The following PRDM11 variants were observed in gnomAD, a reference collection of about 807,000 sequenced individuals.
PRDM11 encodes PR/SET domain 11, also known as PR domain-containing protein 11.
Under a neutral mutation model 97.8 loss-of-function variants are expected in PRDM11, and 20 were observed. The observed-to-expected ratio is 0.20, with a 90% CI of 0.14 to 0.30. The LOEUF (loss-of-function observed/expected upper bound fraction) is 0.30. Among genes scored for constraint, PRDM11 ranks in the 10% least tolerant of loss-of-function variants. The probability of loss-of-function intolerance (pLI) is 1.00; values close to 1 mark genes in which losing one functional copy is unlikely to be tolerated. For missense variants in PRDM11, 1,139 were observed against 1,555.2 expected (o/e 0.73, Z 4.50); for synonymous variants, 599 against 637.7 (o/e 0.94, Z 0.91).
chr11:45,143,213 A>G (rs538898826), upstream of PRDM11, among the ~76,000 whole-genome samples: 1 of 152,326 alleles, frequency 6.6e-6, no homozygotes, highest in African/African-American at 2.4e-5. Flanking sequence ...GCAATAAACA[A>G]TGTCCTTGTT....
rs1397150948 is a variant in PRDM11, at chr11:45,219,040, C to T, written c.555-530C>T. Among the ~76,000 whole-genome samples the T allele has an allele frequency of 2.0e-5, 3 of 152,152 alleles. No homozygotes were observed. Among genetic ancestry groups the T allele is most frequent in the Non-Finnish European group, 4.4e-5 (3 of 68,032 alleles). ...CCTTCCTCCCCTGTCCCCACTGGAG[C>T]CCCCATTTTTTAAAAGATTTTGATC... On this transcript the variant is annotated intron_variant, in intron 5 of 7. Transcript: ENST00000683152. This position sits in a 1 kb window ranked among gnomAD's most constrained non-coding sequence, Gnocchi z 4.2.
At chr11:45,119,644 AAAAAAC>A (rs1565235214) in intron 1 of PRDM11, among the ~76,000 whole-genome samples, 3 of 147,702 alleles carry the variant, frequency 2.0e-5, no homozygotes, top group African/African-American at 7.5e-5. Flanking sequence ...AAAAAAAAAA[AAAAAAC>A]ACCTGGTAAG....
At chr11:45,116,034 T>TAAAG (rs1852296030) in intron 1 of PRDM11, among the ~76,000 whole-genome samples, 1 of 152,002 alleles carries the variant, frequency 6.6e-6, no homozygotes, top group East Asian at 1.9e-4. Flanking sequence ...GAAGAACACT[T>TAAAG]TATCAGAAAG....
chr11:45,115,150 T>C (rs924039036), intron 1 of PRDM11, among the ~76,000 whole-genome samples: 3 of 151,750 alleles, frequency 2.0e-5, no homozygotes, highest in Non-Finnish European at 2.9e-5. Flanking sequence ...CATGTGTGTG[T>C]GTGTGTGTGT....
chr11:45,153,296 C>T (rs1851705834), intron 1 of PRDM11, among the ~76,000 whole-genome samples: 1 of 152,270 alleles, frequency 6.6e-6, no homozygotes, highest in African/African-American at 2.4e-5. Flanking sequence ...GGGGTCCACA[C>T]TGTTCCCTGG....
chr11:45,151,371 G>A lies in PRDM11; in HGVS notation c.-7+4494G>A, dbSNP rs540645946. ...AAATTGTGCTGTTGTTTTCTAAAAA[G>A]CCTGTTTCCTATTGCAGATTTGTAT... On this transcript the variant is annotated intron_variant, in intron 1 of 7. Transcript: ENST00000683152. Among the ~76,000 whole-genome samples, 3 of 152,362 alleles carry A rather than the reference G, an allele frequency of 2.0e-5. No individual in the cohort carries two copies. The South Asian group carries it at 6.2e-4, about 32-fold the overall frequency.
At chr11:45,145,191 C>T (rs1851479797), upstream of PRDM11, among the ~76,000 whole-genome samples, 2 of 152,172 alleles carry the variant, frequency 1.3e-5, no homozygotes, top group South Asian at 2.1e-4. Flanking sequence ...TTACTGTGCA[C>T]CACTTTGCAG....
chr11:45,200,131 A>G (rs998449229), intron 4 of PRDM11, among the ~76,000 whole-genome samples: 7 of 152,236 alleles, frequency 4.6e-5, no homozygotes, highest in Non-Finnish European at 8.8e-5. Context: ...GAATGAATGA[A>G]TGAGTGAATA....
intron 1 of PRDM11, among the ~76,000 whole-genome samples, chr11:45,156,881 C>T (rs552805692): frequency 6.6e-6 from 1 of 152,170 alleles, no homozygotes; most frequent in African/African-American, 2.4e-5. Flanking sequence ...ATTTTAGGCA[C>T]TGGGAACAGT....
At chr11:45,174,299 GTGAACAAACA>G (rs1265367031) in intron 1 of PRDM11, among the ~76,000 whole-genome samples, 2 of 152,226 alleles carry the variant, frequency 1.3e-5, no homozygotes, top group African/African-American at 4.8e-5. Context: ...GGTAGGACAA[GTGAACAAACA>G]TGTCAAATTT....
upstream of PRDM11, among the ~76,000 whole-genome samples, chr11:45,141,698 C>T (rs1851408156): frequency 6.6e-6 from 1 of 152,176 alleles, no homozygotes; most frequent in African/African-American, 2.4e-5. Flanking sequence ...GGCCAAAGCT[C>T]TGTTGGATCC....
At chr11:45,184,943 A>G (rs1852651310) in intron 4 of PRDM11, among the ~76,000 whole-genome samples, 5 of 152,218 alleles carry the variant, frequency 3.3e-5, no homozygotes, top group Admixed American at 3.3e-4. Context: ...ATGGTCTAGA[A>G]GGGGAGCTTG....
intron 1 of PRDM11, among the ~76,000 whole-genome samples, chr11:45,158,232 C>T (rs1452810978): frequency 1.3e-5 from 2 of 152,202 alleles, no homozygotes; most frequent in Admixed American, 6.5e-5. Flanking sequence ...TGGGAACAGA[C>T]CAAGGTGTGC....
intron 1 of PRDM11, among the ~76,000 whole-genome samples, chr11:45,126,037 A>G (rs1852562905): frequency 6.6e-6 from 1 of 152,180 alleles, no homozygotes; most frequent in South Asian, 2.1e-4. Context: ...TATTGGGTGC[A>G]TATATATTTA....
chr11:45,169,086 T>C (rs1471183610), intron 1 of PRDM11, among the ~76,000 whole-genome samples: 5 of 152,172 alleles, frequency 3.3e-5, no homozygotes, highest in Non-Finnish European at 7.4e-5. Flanking sequence ...ACTGACATGC[T>C]TGGGGTGGGG....
At chr11:45,162,000 G>GAC (rs1590394071) in intron 1 of PRDM11, among the ~76,000 whole-genome samples, 2 of 152,236 alleles carry the variant, frequency 1.3e-5, no homozygotes, top group Non-Finnish European at 2.9e-5. Flanking sequence ...GACCTAATGT[G>GAC]ACAGTCTTGG....
Position 45,126,029 on chromosome 11 carries a change from T to C in PRDM11, c.96+30128T>C, listed in dbSNP as rs2135637373. 2.6e-5 allele frequency among the ~76,000 whole-genome samples: 4 copies of C among 152,246 alleles called. No homozygotes were observed. In the South Asian group the frequency reaches 8.3e-4, roughly 32 times the overall value. ...CTTTATGAATCTGGGTGCTCCTGTATTGGGTGCATATATATTTAGGATAGT... is the reference window on the plus strand; with the variant it reads ...CTTTATGAATCTGGGTGCTCCTGTACTGGGTGCATATATATTTAGGATAGT... On this transcript the variant is annotated intron_variant, in intron 1 of 6. Transcript: ENST00000530656.
In PRDM11 at chr11:45,224,227, G is replaced by A. The variant is rs35090414; in HGVS notation, c.753G>A (p.Arg251=). ...GGTTTTCCTTCCTAGGAGAGAAGAG[G>A]TTGCAGAGGGAGAAGTCTGAGCAGG... The part of the protein sequence containing the change: ...IHRNLARGEK[R]LQREKSEQVL... Residue 251 remains arginine (R), a synonymous_variant, in exon 7 of 8, where the codon AGG becomes AGA. Coordinates refer to ENST00000683152, the MANE Select transcript of PRDM11 (RefSeq NM_001384648.1). 9.8e-5 allele frequency: 155 copies of A among 1,586,726 alleles called. 6 individuals are homozygous for A. The South Asian group carries it at 1.7e-3, about 17-fold the overall frequency.
At chr11:45,191,320 A>G (rs1852905681) in intron 4 of PRDM11, among the ~76,000 whole-genome samples, 1 of 152,068 alleles carries the variant, frequency 6.6e-6, no homozygotes, top group Non-Finnish European at 1.5e-5. Context: ...CTTGTCTTTT[A>G]CTCAATGGTT....
Sources: allele counts gnomAD v4.1 joint callset (sites outside exome capture counted in the v4.1 genomes callset), GRCh38; gene constraint gnomAD v4.1.1; non-coding constraint Gnocchi (gnomAD v3.1); transcripts MANE v1.5; gene names NCBI Gene and HGNC (gene_info 2026-07-23, HGNC 2026-07-21).